ZFPM2: variants seen among roughly 807,000 people sequenced by gnomAD.
ZFPM2 encodes zinc finger protein, FOG family member 2.
A neutral mutation model predicts 98.6 loss-of-function variants in ZFPM2; 20 were observed. The observed-to-expected ratio is 0.20, with a 90% CI of 0.14 to 0.29. The LOEUF is 0.29. ZFPM2 is among the 10% of genes least tolerant of loss of function. The pLI, the probability that ZFPM2 is intolerant of heterozygous loss-of-function variation, is 1.00. For missense variants in ZFPM2, 1,310 were observed against 1,388.6 expected, an observed-to-expected ratio of 0.94 and a Z score of 0.90; for synonymous variants, 518 against 502.7, an observed-to-expected ratio of 1.03 and a Z score of -0.41.
At chr8:105,719,185 T>C (rs1196209099) in intron 5 of ZFPM2, among the ~76,000 whole-genome samples, 1 of 151,968 alleles carries the variant, frequency 6.6e-6, no homozygotes, top group Admixed American at 6.6e-5. Context: ...GCCCATGAGA[T>C]GGTAATGTCT....
At chr8:105,683,757 A>C (rs999924668) in intron 5 of ZFPM2, among the ~76,000 whole-genome samples, 2 of 152,154 alleles carry the variant, frequency 1.3e-5, no homozygotes, top group African/African-American at 4.8e-5. Context: ...TTCCAGGTTG[A>C]ATTAGAAACT....
chr8:105,426,499 A>G (rs1430432482), intron 2 of ZFPM2, among the ~76,000 whole-genome samples: 1 of 152,016 alleles, frequency 6.6e-6, no homozygotes. Context: ...CTCCCTCCAC[A>G]TGACATTATT....
At chr8:105,578,714 A>C (rs975774542) in intron 4 of ZFPM2, among the ~76,000 whole-genome samples, 9 of 152,162 alleles carry the variant, frequency 5.9e-5, no homozygotes, top group African/African-American at 2.2e-4. Flanking sequence ...GATCACTGGA[A>C]TATGTGGGAA....
At chr8:105,548,671 A>G (rs1393503644) in intron 3 of ZFPM2, among the ~76,000 whole-genome samples, 3 of 152,160 alleles carry the variant, frequency 2.0e-5, no homozygotes, top group Non-Finnish European at 2.9e-5. Flanking sequence ...AAGATGGTGT[A>G]TATTGCTTTA....
intron 4 of ZFPM2, among the ~76,000 whole-genome samples, chr8:105,563,922 G>C (rs1815191339): frequency 6.6e-6 from 1 of 151,894 alleles, no homozygotes; most frequent in East Asian, 1.9e-4. Flanking sequence ...TATATTAAAA[G>C]GATATATTTA....
chr8:105,501,967 TCAC>T (rs1160448350), intron 3 of ZFPM2, among the ~76,000 whole-genome samples: 1 of 152,268 alleles, frequency 6.6e-6, no homozygotes, highest in African/African-American at 2.4e-5. Flanking sequence ...TTCTGATTAA[TCAC>T]CATTTATGGA....
chr8:105,462,216 C>T (rs2130306509), intron 3 of ZFPM2, among the ~76,000 whole-genome samples: 1 of 152,174 alleles, frequency 6.6e-6, no homozygotes, highest in Middle Eastern at 3.4e-3. Flanking sequence ...TAGTAACCTC[C>T]ACCATTCATC....
chr8:105,401,679 G>A (rs552548283), intron 1 of ZFPM2, among the ~76,000 whole-genome samples: 1 of 152,150 alleles, frequency 6.6e-6, no homozygotes, highest in East Asian at 1.9e-4. Context: ...ACTGGTAATA[G>A]GGGAAGCTAG....
At chr8:105,323,835 G>A (rs1812070560) in intron 1 of ZFPM2, among the ~76,000 whole-genome samples, 1 of 151,888 alleles carries the variant, frequency 6.6e-6, no homozygotes, top group Admixed American at 6.6e-5. Flanking sequence ...AATTGCTTAA[G>A]AGTTTAGGGC....
At chr8:105,606,170 A>G (rs1355264493) in intron 4 of ZFPM2, among the ~76,000 whole-genome samples, 1 of 152,108 alleles carries the variant, frequency 6.6e-6, no homozygotes, top group Non-Finnish European at 1.5e-5. Context: ...GTTTGTGTGT[A>G]TGTGTGCAAA....
intron 1 of ZFPM2, among the ~76,000 whole-genome samples, chr8:105,392,332 G>A (rs772086055): frequency 6.6e-6 from 1 of 152,080 alleles, no homozygotes; most frequent in African/African-American, 2.4e-5. Context: ...TTTAAAACTT[G>A]TTCTTTAATT....
intron 5 of ZFPM2, among the ~76,000 whole-genome samples, chr8:105,649,710 C>T (rs1316041745): frequency 6.6e-6 from 1 of 152,138 alleles, no homozygotes; most frequent in Admixed American, 6.5e-5. Context: ...TTGAACCAGC[C>T]TTGCATCCCA....
intron 1 of ZFPM2, among the ~76,000 whole-genome samples, chr8:105,407,532 T>A (rs563591429): frequency 6.6e-5 from 10 of 151,946 alleles, no homozygotes; most frequent in Non-Finnish European, 1.2e-4. Context: ...CAACATGAAT[T>A]AAATGTCCAG....
At chr8:105,568,704 A>G (rs1188646037) in intron 4 of ZFPM2, among the ~76,000 whole-genome samples, 1 of 152,114 alleles carries the variant, frequency 6.6e-6, no homozygotes, top group African/African-American at 2.4e-5. Context: ...AGACCACAGT[A>G]TGTCCTGAAA....
chr8:105,483,708 C>A (rs1813170082), intron 3 of ZFPM2, among the ~76,000 whole-genome samples: 1 of 150,400 alleles, frequency 6.6e-6, no homozygotes, highest in Admixed American at 6.6e-5. Context: ...AATTGTAATT[C>A]TTTTGTCAGT....
chr8:105,565,567 G>C (rs981312050), intron 4 of ZFPM2, among the ~76,000 whole-genome samples: 1 of 152,096 alleles, frequency 6.6e-6, no homozygotes, highest in African/African-American at 2.4e-5. Context: ...GGTCAACTCA[G>C]TCTGATTCCA....
intron 1 of ZFPM2, among the ~76,000 whole-genome samples, chr8:105,360,861 T>C (rs1812845126): frequency 7.3e-6 from 1 of 137,162 alleles, no homozygotes; most frequent in Non-Finnish European, 1.6e-5. Context: ...ATTTTCTTAA[T>C]CCAGTCTATC....
chr8:105,533,551 T>C (rs1395450736), intron 3 of ZFPM2, among the ~76,000 whole-genome samples: 2 of 152,190 alleles, frequency 1.3e-5, no homozygotes, highest in East Asian at 3.9e-4. Flanking sequence ...CAGGTTACCA[T>C]CCCAGTTTGT....
At chr8:105,724,053 T>G (rs1320348887) in intron 5 of ZFPM2, among the ~76,000 whole-genome samples, 2 of 151,834 alleles carry the variant, frequency 1.3e-5, no homozygotes, top group African/African-American at 4.8e-5. Flanking sequence ...GTTTGCAACT[T>G]TAGATTCTTC....
Sources: gnomAD v4.1 joint callset for allele counts (sites outside exome capture counted in the v4.1 genomes callset) on GRCh38, gnomAD v4.1.1 for gene constraint, MANE v1.5 for transcripts, NCBI Gene and HGNC (gene_info 2026-07-23, HGNC 2026-07-21) for gene names.